Variants in IGF1 observed in about 807,000 individuals in gnomAD.
IGF1 encodes the protein insulin-like growth factor 1.
A neutral mutation model predicts 13.8 loss-of-function variants in IGF1; 4 were observed. The observed-to-expected ratio is 0.29, with a 90% CI of 0.14 to 0.66. The LOEUF is 0.66. Ranked by LOEUF, IGF1 falls within the 30% of genes least tolerant of loss-of-function variation. The pLI is 0.78. For synonymous variants in IGF1, 76 were observed against 72.6 expected (o/e 1.05, Z -0.23); for missense variants, 124 against 188.5 (o/e 0.66, Z 2.00).
chr12:102,467,182 C>G (rs907746093), intron 2 of IGF1, among the ~76,000 whole-genome samples: 1 of 152,130 alleles, frequency 6.6e-6, no homozygotes, highest in Non-Finnish European at 1.5e-5. Context: ...ATCTTCCCAG[C>G]AATACTCTCC....
chr12:102,421,798 A>G (rs994581778), intron 2 of IGF1, among the ~76,000 whole-genome samples: 14 of 152,146 alleles, frequency 9.2e-5, no homozygotes, highest in African/African-American at 3.4e-4. Flanking sequence ...TCCAGGACCT[A>G]TTTAGTATTT....
chr12:102,467,620 A>G (rs1880420067), intron 2 of IGF1, among the ~76,000 whole-genome samples: 2 of 152,224 alleles, frequency 1.3e-5, no homozygotes, highest in Admixed American at 6.5e-5. Context: ...TTTAGTTTGT[A>G]CAAATTTCCA....
rs1006447975 is a variant in IGF1, at chr12:102,398,006, A to G, written c.*4501T>C. On this transcript the variant is annotated 3_prime_UTR_variant, in exon 4 of 4. Coordinates refer to ENST00000337514, the MANE Select transcript of IGF1 (RefSeq NM_000618.5). ...AGAGTCTATGTGGGTTTAACTTATTATTCCTCATTCTGATATAAAAAAAGA... is the reference window on the plus strand; with the variant it reads ...AGAGTCTATGTGGGTTTAACTTATTGTTCCTCATTCTGATATAAAAAAAGA... The G allele has an allele frequency of 6.6e-6, 1 of 151,970 alleles. No individual in the cohort carries two copies. Among genetic ancestry groups the G allele is most frequent in the African/African-American group, 2.4e-5 (1 of 41,286 alleles). 9.4% of individuals were successfully genotyped at this position (151,970 alleles called of 1,614,324 possible).
intron 2 of IGF1, among the ~76,000 whole-genome samples, chr12:102,426,953 C>T (rs766488743): frequency 6.6e-6 from 1 of 152,136 alleles, no homozygotes; most frequent in Non-Finnish European, 1.5e-5. Context: ...TTGAGCAAGG[C>T]TTATGCCACT....
chr12:102,465,402 G>C (rs1275341841), intron 2 of IGF1, among the ~76,000 whole-genome samples: 1 of 152,188 alleles, frequency 6.6e-6, no homozygotes, highest in Non-Finnish European at 1.5e-5. Context: ...TAAGGCTCAA[G>C]GACGTTAAGT....
chr12:102,472,871 T>C (rs1161719894), intron 2 of IGF1, among the ~76,000 whole-genome samples: 2 of 145,068 alleles, frequency 1.4e-5, no homozygotes, highest in Non-Finnish European at 3.0e-5. Context: ...TGTTAGTATA[T>C]ATTTTTTCAG....
chr12:102,398,115 A>G lies in IGF1; in HGVS notation c.*4392T>C, dbSNP rs570635069. 2 of 152,360 alleles carry G rather than the reference A, an allele frequency of 1.3e-5. No individual in the cohort carries two copies. Among genetic ancestry groups the G allele is most frequent in the African/African-American group, 4.8e-5 (2 of 41,522 alleles). The allele number at this position is 152,360 out of a possible 1,614,324, so 9.4% of individuals were successfully genotyped here. A position where few individuals can be genotyped will look rare whatever the true frequency, so the allele number is the denominator to read the frequency against. On this transcript the variant is annotated 3_prime_UTR_variant, in exon 4 of 4. Coordinates refer to ENST00000337514, the MANE Select transcript of IGF1 (RefSeq NM_000618.5). ...AAAAAAAAAAAAACAAAAACAAGAAACAAAAAATCTTCACAGATTGTTAGC... is the reference window on the plus strand; with the variant it reads ...AAAAAAAAAAAAACAAAAACAAGAAGCAAAAAATCTTCACAGATTGTTAGC...
intron 2 of IGF1, among the ~76,000 whole-genome samples, chr12:102,429,593 G>T (rs1209226821): frequency 6.6e-6 from 1 of 152,102 alleles, no homozygotes; most frequent in African/African-American, 2.4e-5. Flanking sequence ...TATTTCATCT[G>T]GGACCAACAT....
At chr12:102,427,024 C>T (rs919574888) in intron 2 of IGF1, among the ~76,000 whole-genome samples, 3 of 152,136 alleles carry the variant, frequency 2.0e-5, no homozygotes, top group African/African-American at 7.2e-5. Flanking sequence ...GACTGAAAAC[C>T]AGGGCTCCCT....
At chr12:102,470,738 T>C (rs1342779440) in intron 2 of IGF1, among the ~76,000 whole-genome samples, 1 of 152,146 alleles carries the variant, frequency 6.6e-6, no homozygotes, top group Non-Finnish European at 1.5e-5. Context: ...CCAGCCCCAC[T>C]CAAAACAATG....
At chr12:102,429,500 A>G (rs1439822056) in intron 2 of IGF1, among the ~76,000 whole-genome samples, 1 of 152,180 alleles carries the variant, frequency 6.6e-6, no homozygotes, top group African/African-American at 2.4e-5. Flanking sequence ...AATTGAAGAA[A>G]TGAACTATGA....
chr12:102,432,267 C>T (rs1471707053), intron 2 of IGF1, among the ~76,000 whole-genome samples: 1 of 152,096 alleles, frequency 6.6e-6, no homozygotes, highest in Non-Finnish European at 1.5e-5. Context: ...AGTAGATATG[C>T]CATCATTTGT....
intron 3 of IGF1, among the ~76,000 whole-genome samples, chr12:102,416,566 A>G (rs916064857): frequency 2.6e-5 from 4 of 152,066 alleles, no homozygotes; most frequent in African/African-American, 9.7e-5. Flanking sequence ...GCACATCTTT[A>G]CCCACTTCTG....
intron 2 of IGF1, among the ~76,000 whole-genome samples, chr12:102,458,733 A>AAAAAAAAAC (rs1286349114): frequency 2.1e-5 from 3 of 144,660 alleles, no homozygotes; most frequent in African/African-American, 8.4e-5. Flanking sequence ...CACTGACCAA[A>AAAAAAAAAC]AAAAAAAAAA....
rs1479417564 is a variant in IGF1, at chr12:102,398,070, TAA to T, written c.*4435_*4436del. ...GTCATTTTGAACATTAAGAAATTCA[TAA>T]AGACTGTATAAAGTAAAAAAAAAAA... On this transcript the variant is annotated 3_prime_UTR_variant, in exon 4 of 4. Coordinates refer to ENST00000337514, the MANE Select transcript of IGF1 (RefSeq NM_000618.5). 6 of 124,916 alleles carry T rather than the reference TAA, an allele frequency of 4.8e-5. No individual in the cohort carries two copies. The highest frequency in any genetic ancestry group is 1.5e-4 in the African/African-American group (5 of 34,378). 7.7% of individuals were successfully genotyped at this position (124,916 alleles called of 1,614,324 possible).
At chr12:102,476,796 C>T (rs5742616) in intron 1 of IGF1, among the ~76,000 whole-genome samples, 2,053 of 152,306 alleles carry the variant, frequency 0.013, 30 homozygotes, top group African/African-American at 0.047. Flanking sequence ...GACTGCCAAA[C>T]GGCAGCCTTG....
At chr12:102,460,782 A>G (rs190385002) in intron 2 of IGF1, among the ~76,000 whole-genome samples, 24 of 152,342 alleles carry the variant, frequency 1.6e-4, no homozygotes, top group Admixed American at 5.2e-4. Context: ...TATTAAAATA[A>G]TATGCATTAA....
intron 2 of IGF1, among the ~76,000 whole-genome samples, chr12:102,420,619 C>T (rs1875623992): frequency 6.6e-6 from 1 of 152,026 alleles, no homozygotes; most frequent in Non-Finnish European, 1.5e-5. Flanking sequence ...TAGTAGGGCT[C>T]CCTCTCTTAC....
intron 2 of IGF1, among the ~76,000 whole-genome samples, chr12:102,438,487 C>T (rs757387132): frequency 2.6e-5 from 4 of 152,222 alleles, no homozygotes; most frequent in Non-Finnish European, 5.9e-5. Context: ...GGTCGAGGAA[C>T]AGCCTATTCA....
Sources: allele counts gnomAD v4.1 joint callset (sites outside exome capture counted in the v4.1 genomes callset), GRCh38; gene constraint gnomAD v4.1.1; transcripts MANE v1.5; gene names NCBI Gene and HGNC (gene_info 2026-07-23, HGNC 2026-07-21).